The following PTPRU variants were observed in gnomAD, a reference collection of about 807,000 sequenced individuals.
PTPRU encodes receptor-type tyrosine-protein phosphatase U.
A neutral mutation model predicts 166.3 loss-of-function variants in PTPRU; 69 were observed. The observed-to-expected ratio is 0.41, with a 90% CI of 0.34 to 0.51. PTPRU has a LOEUF of 0.51. PTPRU is among the 20% of genes least tolerant of loss of function. The pLI is 0.09. For synonymous variants in PTPRU, 793 were observed against 814.0 expected (o/e 0.97, Z 0.44); for missense variants, 1,657 against 2,013.7 (o/e 0.82, Z 3.39).
intron 7 of PTPRU, 111 bp from the exon 8 acceptor site, chr1:29,275,337 G>A: frequency 8.3e-7 from 1 of 1,211,838 alleles, no homozygotes. Context: ...GCTCTTGGGG[G>A]CAATGGAGGG....
chr1:29,260,499 G>A lies in PTPRU; in HGVS notation c.851-111G>A. The A allele has an allele frequency of 6.0e-6, 5 of 827,486 alleles. 1 individual carries two copies. The South Asian group carries it at 1.1e-4, about 18-fold the overall frequency. 51.3% of individuals were successfully genotyped at this position (827,486 alleles called of 1,614,324 possible). ...CTGGTTGAGGGCTTGGTAGCAGCGT[G>A]AGAGGCCCTAGGAGGACGGAGAGGG... On this transcript the variant is annotated intron_variant, in intron 6 of 29. Transcript: ENST00000373779. This position sits in a 1 kb window ranked among gnomAD's most constrained non-coding sequence, Gnocchi z 8.3.
At chr1:29,241,621 G>A (rs1180372507) in intron 1 of PTPRU, among the ~76,000 whole-genome samples, 3 of 149,748 alleles carry the variant, frequency 2.0e-5, no homozygotes, top group Non-Finnish European at 4.4e-5. Flanking sequence ...TTGAGATGGA[G>A]TCTCACTCTG....
rs750903519 is a variant in PTPRU, at chr1:29,305,363, C to G, written c.2755C>G (p.Arg919Gly). 2 of 1,613,902 alleles carry G rather than the reference C, an allele frequency of 1.2e-6. No individual in the cohort carries two copies. Among genetic ancestry groups the G allele is most frequent in the Non-Finnish European group, 8.5e-7 (1 of 1,180,026 alleles). The change falls in exon 18 of 30, where the codon CGA becomes GGA. Residue 919 changes from arginine (R) to glycine (G), a missense_variant. Coordinates refer to ENST00000373779, the MANE Select transcript of PTPRU (RefSeq NM_133178.4). ...CTCTGTGTTTACAGATGATCGGCAC[C>G]GAGTGAAACTGCACCCGATGCTGGG... ...QEPMPAYDRH[R>G]VKLHPMLGDP...
intron 15 of PTPRU, among the ~76,000 whole-genome samples, chr1:29,303,185 C>T (rs189451550): frequency 8.5e-4 from 130 of 152,328 alleles, no homozygotes; most frequent in African/African-American, 3.0e-3. Context: ...GACCTGATCT[C>T]CAAGACCAGA....
intron 15 of PTPRU, 132 bp downstream of exon 15, chr1:29,292,158 A>T (rs900192111): frequency 4.2e-6 from 5 of 1,197,128 alleles, no homozygotes; most frequent in East Asian, 5.0e-5. Context: ...CTCCTGCTGG[A>T]TACCTTCTGG....
At position 29,315,302 on chromosome 1, in the gene PTPRU, C is replaced by G. The variant is rs572814406; in HGVS notation, c.3228-70C>G. ...GTGTAGACATGGCCAGTGCCCTCCT[C>G]TCTTCTTCTCCTTAGTCCCGGGCTT... On this transcript the variant is annotated intron_variant, in intron 22 of 29. Transcript: ENST00000373779. This position sits in a 1 kb window ranked among gnomAD's most constrained non-coding sequence, Gnocchi z 4.5. 1.8e-5 allele frequency: 29 copies of G among 1,592,040 alleles called. No homozygotes were observed. The highest frequency in any genetic ancestry group is 1.6e-4 in the East Asian group (7 of 44,708).
intron 22 of PTPRU, among the ~76,000 whole-genome samples, chr1:29,312,983 G>A (rs1006410837): frequency 2.0e-5 from 3 of 152,152 alleles, no homozygotes; most frequent in Admixed American, 6.5e-5. Flanking sequence ...CCGCTGAGGC[G>A]CCAGGCACGA....
intron 8 of PTPRU, among the ~76,000 whole-genome samples, chr1:29,277,095 G>A (rs1353339923): frequency 6.6e-6 from 1 of 152,072 alleles, no homozygotes. Context: ...AAGCAATTGG[G>A]ACTTTTCTTT....
At chr1:29,251,755 G>A (rs1453336431) in intron 1 of PTPRU, among the ~76,000 whole-genome samples, 4 of 152,196 alleles carry the variant, frequency 2.6e-5, no homozygotes, top group Admixed American at 2.0e-4. Flanking sequence ...CAGGGCAGCG[G>A]CTTTGTTACT....
In PTPRU at chr1:29,255,421, C is replaced by T. The variant is rs1195175667; in HGVS notation, c.205+15C>T. The T allele has an allele frequency of 6.2e-7, 1 of 1,613,440 alleles. No individual in the cohort carries two copies. The highest frequency in any genetic ancestry group is 8.5e-7 in the Non-Finnish European group (1 of 1,179,596). ...CCTGCCCCACGGTAAGTCTACTCTCCATCGCCATTACCCCTTCTTCTCCTT... is the reference window on the plus strand; with the variant it reads ...CCTGCCCCACGGTAAGTCTACTCTCTATCGCCATTACCCCTTCTTCTCCTT... On this transcript the variant is annotated intron_variant, in intron 2 of 29. Transcript: ENST00000373779.
chr1:29,316,461 A>G (rs1048826066), intron 24 of PTPRU, among the ~76,000 whole-genome samples: 2 of 152,172 alleles, frequency 1.3e-5, no homozygotes, highest in African/African-American at 4.8e-5. Flanking sequence ...TGTTACCCAG[A>G]GAAGAGAAGT....
intron 1 of PTPRU, among the ~76,000 whole-genome samples, chr1:29,248,931 C>T (rs1026062920): frequency 2.0e-5 from 3 of 152,174 alleles, no homozygotes; most frequent in African/African-American, 4.8e-5. Context: ...GACTCTTGCT[C>T]ACGTGCACAC....
intron 8 of PTPRU, among the ~76,000 whole-genome samples, chr1:29,277,368 G>A (rs916956576): frequency 2.0e-5 from 3 of 152,054 alleles, no homozygotes; most frequent in East Asian, 1.9e-4. Flanking sequence ...TGCAAAGTGC[G>A]GAGATTATAG....
chr1:29,309,247 G>T (rs1328881214), intron 18 of PTPRU, among the ~76,000 whole-genome samples: 1 of 152,156 alleles, frequency 6.6e-6, no homozygotes, highest in Non-Finnish European at 1.5e-5. Context: ...GACACCACCT[G>T]GGAGCTGGTG....
chr1:29,259,367 C>T (rs760209397), intron 4 of PTPRU, 25 bp downstream of exon 4: 1 of 1,612,682 alleles, frequency 6.2e-7, no homozygotes, highest in South Asian at 1.1e-5. Flanking sequence ...ACTGGGGGCG[C>T]AGGGGTAAGG....
At chr1:29,295,710 G>T (rs186109654) in intron 15 of PTPRU, among the ~76,000 whole-genome samples, 2 of 150,022 alleles carry the variant, frequency 1.3e-5, no homozygotes, top group African/African-American at 4.9e-5. Context: ...TTTGTGAGAC[G>T]GAGTCTCACT....
chr1:29,310,911 C>G, intron 19 of PTPRU, 131 bp downstream of exon 19: 1 of 1,148,394 alleles, frequency 8.7e-7, no homozygotes, highest in Non-Finnish European at 1.3e-6. Flanking sequence ...TCGCCATATT[C>G]TGGCTCCCTG....
Position 29,236,607 on chromosome 1 carries a change from C to T in PTPRU, c.-38C>T. ...GCTCGGGCTCCGGGGGCGGCGTCCC[C>T]CGCGCCGGGCCCCGGGACGGGCGGC... On this transcript the variant is annotated 5_prime_UTR_variant, in exon 1 of 30. Coordinates refer to ENST00000373779, the MANE Select transcript of PTPRU (RefSeq NM_133178.4). The surrounding 1 kb of genome is among the most constrained non-coding windows in gnomAD (Gnocchi z 4.6). 8.2e-7 allele frequency: 1 copy of T among 1,217,286 alleles called. No homozygotes were observed. The highest frequency in any genetic ancestry group is 1.0e-6 in the Non-Finnish European group (1 of 978,868). 75.4% of individuals were successfully genotyped at this position (1,217,286 alleles called of 1,614,324 possible).
chr1:29,255,013 C>G (rs1684711395), intron 1 of PTPRU, among the ~76,000 whole-genome samples: 1 of 151,944 alleles, frequency 6.6e-6, no homozygotes, highest in Non-Finnish European at 1.5e-5. Context: ...ATGACTGAGC[C>G]AGTGGTGGTT....
Sources: allele counts gnomAD v4.1 joint callset (sites outside exome capture counted in the v4.1 genomes callset), GRCh38; gene constraint gnomAD v4.1.1; non-coding constraint Gnocchi (gnomAD v3.1); transcripts MANE v1.5; gene names NCBI Gene and HGNC (gene_info 2026-07-23, HGNC 2026-07-21).